The following CTNNA2 variants were observed in gnomAD, a reference collection of about 807,000 sequenced individuals.
CTNNA2 encodes catenin alpha-2.
CTNNA2 carries 42 observed loss-of-function variants against 101.0 expected under a neutral mutation model. The ratio of observed to expected loss-of-function variants is 0.42; its 90% confidence interval spans 0.32 to 0.54. The LOEUF is 0.54. Ranked by LOEUF, CTNNA2 falls within the 20% of genes least tolerant of loss-of-function variation. CTNNA2 has a pLI of 0.14. For missense variants in CTNNA2, 871 were observed against 1,223.1 expected (o/e 0.71, Z 4.29); for synonymous variants, 450 against 456.4 (o/e 0.99, Z 0.18).
intron 3 of CTNNA2, among the ~76,000 whole-genome samples, chr2:79,345,519 G>A (rs2104433331): frequency 6.6e-6 from 1 of 152,252 alleles, no homozygotes; most frequent in South Asian, 2.1e-4. Flanking sequence ...ACTCACACTT[G>A]TCCAGAGTTT....
chr2:79,950,367 A>G (rs911053679), intron 7 of CTNNA2, among the ~76,000 whole-genome samples: 1 of 152,254 alleles, frequency 6.6e-6, no homozygotes, highest in Non-Finnish European at 1.5e-5. Flanking sequence ...GATGAAGTCT[A>G]AAGGGAGTTT....
intron 12 of CTNNA2, among the ~76,000 whole-genome samples, chr2:80,564,509 GTTT>G (rs70940087): frequency 1.1e-4 from 16 of 141,378 alleles, no homozygotes; most frequent in African/African-American, 2.3e-4. Context: ...AATTTAGAGA[GTTT>G]TTTTTTTTTT....
chr2:80,621,128 A>G (rs1262584254), intron 18 of CTNNA2, among the ~76,000 whole-genome samples: 9 of 151,846 alleles, frequency 5.9e-5, no homozygotes. Context: ...TTGACTTGTT[A>G]GGTAACTCAA....
At position 80,303,232 on chromosome 2, in the gene CTNNA2, C is replaced by T. The variant is rs769674263; in HGVS notation, c.1057-89979C>T. The T allele has an allele frequency of 2.5e-6, 4 of 1,613,634 alleles. No homozygotes were observed. Among genetic ancestry groups the T allele is most frequent in the Non-Finnish European group, 3.4e-6 (4 of 1,179,968 alleles). ...AAGAGTTGCGCGCCAGACTCTTGAG[C>T]TGATTGTATCCGATGTCGAGAAACT... On this transcript the variant is annotated intron_variant, in intron 7 of 18. Transcript: ENST00000402739. This position sits in a 1 kb window ranked among gnomAD's most constrained non-coding sequence, Gnocchi z 7.7.
rs1295790434 is a variant in CTNNA2 at position 79,744,425 on chromosome 2, T to C, written c.141T>C (p.Ser47=). ...TCAACACAAGCAACAAAGGCCCATC[T>C]GGTAAAAAGAAAGGGAGGTCAAAGA... is the stretch of plus-strand genomic sequence containing the variant. ...TLVNTSNKGP[S]GKKKGRSKKA... The change falls in exon 3 of 19, where the codon TCT becomes TCC. Residue 47 remains serine (S), a synonymous_variant. Coordinates refer to ENST00000402739, the MANE Select transcript of CTNNA2 (RefSeq NM_001282597.3). 6.2e-7 allele frequency: 1 copy of C among 1,613,904 alleles called. No homozygotes were observed. The highest frequency in any genetic ancestry group is 1.7e-4 in the Middle Eastern group (1 of 6,058).
chr2:80,568,008 A>C (rs1694215949), intron 12 of CTNNA2, among the ~76,000 whole-genome samples: 1 of 152,146 alleles, frequency 6.6e-6, no homozygotes, highest in African/African-American at 2.4e-5. Flanking sequence ...GTGTTGGATG[A>C]CTGCATCACC....
At chr2:80,595,717 G>C (rs1696891310) in intron 15 of CTNNA2, among the ~76,000 whole-genome samples, 1 of 152,062 alleles carries the variant, frequency 6.6e-6, no homozygotes, top group Non-Finnish European at 1.5e-5. Flanking sequence ...TGTTCTGTTG[G>C]TGTATATGTG....
intron 7 of CTNNA2, among the ~76,000 whole-genome samples, chr2:80,337,018 C>A (rs2149271714): frequency 6.6e-6 from 1 of 152,238 alleles, no homozygotes; most frequent in Non-Finnish European, 1.5e-5. Context: ...CTCAAAAAGG[C>A]AAATTACCTG....
At chr2:79,669,827 T>C (rs938058483) in intron 2 of CTNNA2, among the ~76,000 whole-genome samples, 6 of 152,156 alleles carry the variant, frequency 3.9e-5, no homozygotes, top group Non-Finnish European at 8.8e-5. Flanking sequence ...AGGGCTTTTA[T>C]TGACCGCAGA....
At position 80,333,318 on chromosome 2, in the gene CTNNA2, A is replaced by G. The variant is rs202028760; in HGVS notation, c.1057-59893A>G. ...ACTCACCTACTTCCAAGAGTTTCCAAGGGCTTATCTCATGGTGGATCCTGC... is the reference window on the plus strand; with the variant it reads ...ACTCACCTACTTCCAAGAGTTTCCAGGGGCTTATCTCATGGTGGATCCTGC... On this transcript the variant is annotated intron_variant, in intron 7 of 18. Coordinates refer to ENST00000402739, the MANE Select transcript of CTNNA2 (RefSeq NM_001282597.3). Among the ~76,000 whole-genome samples, 936 of 152,196 alleles carry G rather than the reference A, an allele frequency of 6.1e-3. 9 individuals are homozygous for G. The highest frequency in any genetic ancestry group is 0.021 in the African/African-American group (861 of 41,520).
chr2:79,447,352 A>G (rs1678845047), intron 4 of CTNNA2, among the ~76,000 whole-genome samples: 1 of 152,074 alleles, frequency 6.6e-6, no homozygotes, highest in Non-Finnish European at 1.5e-5. Flanking sequence ...CAGGAAAAAA[A>G]TCGACATTCA....
chr2:79,567,275 A>C (rs978226360), intron 1 of CTNNA2, among the ~76,000 whole-genome samples: 14 of 151,260 alleles, frequency 9.3e-5, no homozygotes, highest in Admixed American at 6.6e-4. Flanking sequence ...TGCCTAATGG[A>C]TTTTATCTCT....
At chr2:80,090,136 CT>C (rs1699694515) in intron 7 of CTNNA2, among the ~76,000 whole-genome samples, 1 of 82,272 alleles carries the variant, frequency 1.2e-5, no homozygotes, top group Non-Finnish European at 2.3e-5. Context: ...AAGTTTCACT[CT>C]CTCTCTCTCT....
At chr2:80,351,322 C>T (rs1673271871) in intron 7 of CTNNA2, among the ~76,000 whole-genome samples, 1 of 151,982 alleles carries the variant, frequency 6.6e-6, no homozygotes. Context: ...AAATGTAATA[C>T]TCGCCTATAG....
chr2:80,213,344 G>A, intron 7 of CTNNA2, among the ~76,000 whole-genome samples: 1 of 151,838 alleles, frequency 6.6e-6, no homozygotes, highest in South Asian at 2.1e-4. Context: ...TTCTCTTGTG[G>A]GCATTTAGTG....
At chr2:79,220,209 T>G (rs1674324715) in intron 2 of CTNNA2, among the ~76,000 whole-genome samples, 2 of 152,088 alleles carry the variant, frequency 1.3e-5, no homozygotes, top group Admixed American at 6.6e-5. Context: ...TGTATATATA[T>G]GTAAATGTAT....
chr2:79,271,344 C>T (rs975829406), intron 2 of CTNNA2, among the ~76,000 whole-genome samples: 4 of 151,882 alleles, frequency 2.6e-5, no homozygotes, highest in Admixed American at 6.6e-5. Flanking sequence ...GTAATGCACA[C>T]GTGGGTCACT....
intron 2 of CTNNA2, among the ~76,000 whole-genome samples, chr2:79,658,276 C>T (rs181043745): frequency 8.9e-4 from 135 of 151,890 alleles, no homozygotes; most frequent in African/African-American, 2.9e-3. Flanking sequence ...TTTACTTAAC[C>T]GCTCCTTAAA....
intron 4 of CTNNA2, among the ~76,000 whole-genome samples, chr2:79,456,784 T>C (rs1248838800): frequency 2.6e-5 from 4 of 152,204 alleles, no homozygotes; most frequent in African/African-American, 9.7e-5. Context: ...AAAGTTCTGC[T>C]CAGAACAGAG....
Sources: gnomAD v4.1 joint callset for allele counts (sites outside exome capture counted in the v4.1 genomes callset) on GRCh38, gnomAD v4.1.1 for gene constraint, Gnocchi (gnomAD v3.1) non-coding constraint, MANE v1.5 for transcripts, NCBI Gene and HGNC (gene_info 2026-07-23, HGNC 2026-07-21) for gene names.